MCF2: variants seen among roughly 807,000 people sequenced by gnomAD.
MCF2 encodes MCF.2 cell line derived transforming sequence.
In MCF2, 44 loss-of-function variants were observed where a neutral mutation model predicts 82.5. The ratio of observed to expected loss-of-function variants is 0.53; its 90% confidence interval spans 0.42 to 0.69. MCF2 has a LOEUF of 0.69. MCF2 is among the 30% of genes least tolerant of loss of function. The probability of loss-of-function intolerance (pLI) is 0.00; values close to 1 mark genes in which losing one functional copy is unlikely to be tolerated. For missense variants in MCF2, 623 were observed against 663.1 expected (o/e 0.94, Z 0.66); for synonymous variants, 217 against 224.9 (o/e 0.96, Z 0.32).
At chrX:139,649,332 G>A (rs1046997332) in intron 2 of MCF2, among the ~76,000 whole-genome samples, 1 of 111,723 alleles carries the variant, frequency 9.0e-6, no homozygotes, top group Non-Finnish European at 1.9e-5. Context: ...AAACTCAAAG[G>A]AGAAACTGTA....
At chrX:139,609,597 G>T (rs187278407) in intron 11 of MCF2, among the ~76,000 whole-genome samples, 5 of 111,091 alleles carry the variant, frequency 4.5e-5, no homozygotes, top group Middle Eastern at 9.3e-3. Context: ...TTGTAGCTAT[G>T]ATGAGTCTAC....
chrX:139,582,347 G>A (rs983797514), exon 25 of MCF2: 51 of 665,998 alleles, frequency 7.7e-5, no homozygotes, highest in African/African-American at 1.3e-4. Flanking sequence ...GTTTCTTTGC[G>A]TGTCCATTAA....
chrX:139,702,100 TG>T (rs1217257371), intron 1 of MCF2, among the ~76,000 whole-genome samples: 2 of 111,728 alleles, frequency 1.8e-5, no homozygotes, highest in Admixed American at 9.6e-5. Flanking sequence ...AGCAGAGACA[TG>T]GTCCCAGCCT....
At chrX:139,681,351 C>T (rs1288465078) in intron 1 of MCF2, among the ~76,000 whole-genome samples, 2 of 111,387 alleles carry the variant, frequency 1.8e-5, no homozygotes, top group Non-Finnish European at 3.8e-5. Flanking sequence ...GCAGCTCAAC[C>T]TCTACCACAC....
chrX:139,653,856 A>C (rs12389484), intron 1 of MCF2, among the ~76,000 whole-genome samples: 3,232 of 109,923 alleles, frequency 0.029, 115 homozygotes, highest in African/African-American at 0.1. Flanking sequence ...CATGAGATCC[A>C]TTTTTTTAGC....
chrX:139,595,582 T>TGG (rs1929995299), intron 19 of MCF2, among the ~76,000 whole-genome samples: 1 of 26,418 alleles, frequency 3.8e-5, no homozygotes, highest in Admixed American at 6.6e-4. Context: ...TGTTGTGGGG[T>TGG]GGGGGGAGGG....
At chrX:139,696,147 C>A (rs148311516) in intron 1 of MCF2, among the ~76,000 whole-genome samples, 6 of 111,184 alleles carry the variant, frequency 5.4e-5, no homozygotes, top group South Asian at 3.8e-4. Context: ...GATAAACCAG[C>A]CTTATACCAA....
intron 1 of MCF2, among the ~76,000 whole-genome samples, chrX:139,636,436 TTCTC>T (rs773469624): frequency 1.9e-3 from 216 of 112,163 alleles, no homozygotes; most frequent in African/African-American, 6.4e-3. Context: ...GGTTTCATCT[TTCTC>T]TCTCTGACTT....
intron 1 of MCF2, chrX:139,642,391 G>A (rs1933619995): frequency 8.5e-7 from 1 of 1,176,350 alleles, no homozygotes; most frequent in Non-Finnish European, 1.2e-6. Flanking sequence ...AGCAGTTTGT[G>A]CTATAGCACC....
At chrX:139,589,582 G>A (rs941698675) in intron 20 of MCF2, among the ~76,000 whole-genome samples, 3 of 111,581 alleles carry the variant, frequency 2.7e-5, no homozygotes, top group African/African-American at 9.8e-5. Context: ...CTGCCAAGCT[G>A]TCAGCTCTAG....
intron 1 of MCF2, among the ~76,000 whole-genome samples, chrX:139,707,526 G>A (rs764788444): frequency 2.7e-5 from 3 of 111,448 alleles, no homozygotes; most frequent in African/African-American, 6.5e-5. Context: ...GAAAATTTGC[G>A]TGCTTAAAAA....
chrX:139,626,206 T>C (rs1241153718), exon 6 of MCF2: 1 of 1,179,887 alleles, frequency 8.5e-7, no homozygotes, highest in Admixed American at 2.3e-5. Flanking sequence ...TTGAAAATCC[T>C]GCTCAAACTT....
chrX:139,674,282 CT>C (rs1934798060), intron 1 of MCF2, among the ~76,000 whole-genome samples: 1 of 111,752 alleles, frequency 8.9e-6, no homozygotes, highest in Non-Finnish European at 1.9e-5. Context: ...TCCAATTTGC[CT>C]GTCTGTGTCT....
intron 1 of MCF2, among the ~76,000 whole-genome samples, chrX:139,658,047 T>C (rs781555761): frequency 5.0e-4 from 56 of 111,038 alleles, no homozygotes; most frequent in African/African-American, 1.9e-3. Flanking sequence ...AATGGTATAT[T>C]CTCAGCAACA....
chrX:139,681,803 G>T (rs1423625763), intron 1 of MCF2, among the ~76,000 whole-genome samples: 1 of 111,939 alleles, frequency 8.9e-6, no homozygotes, highest in Admixed American at 9.5e-5. Flanking sequence ...TGTTTGAATT[G>T]AATTGATATA....
At chrX:139,685,350 G>A (rs866484425) in intron 1 of MCF2, among the ~76,000 whole-genome samples, 17 of 110,617 alleles carry the variant, frequency 1.5e-4, no homozygotes, top group African/African-American at 4.9e-4. Flanking sequence ...ACAGCCCGGC[G>A]CCACACCCTG....
exon 25 of MCF2, chrX:139,582,378 C>A (rs991509762): frequency 1.0e-4 from 97 of 943,370 alleles, no homozygotes; most frequent in Non-Finnish European, 1.4e-4. Flanking sequence ...ACATCTGCAT[C>A]ATTTGAGCTC....
chrX:139,697,481 A>G (rs1935405810), intron 1 of MCF2, among the ~76,000 whole-genome samples: 1 of 112,278 alleles, frequency 8.9e-6, no homozygotes, highest in African/African-American at 3.2e-5. Context: ...GCAACCAAAA[A>G]AATCCAAACT....
intron 1 of MCF2, among the ~76,000 whole-genome samples, chrX:139,688,663 G>T (rs5954215): frequency 0.22 from 24,178 of 110,753 alleles, 2,001 homozygotes; most frequent in African/African-American, 0.29. Context: ...AATACAAGAC[G>T]TTTCTTTTTT....
Sources: allele counts gnomAD v4.1 joint callset (sites outside exome capture counted in the v4.1 genomes callset), GRCh38; gene constraint gnomAD v4.1.1; transcripts MANE v1.5; gene names NCBI Gene and HGNC (gene_info 2026-07-23, HGNC 2026-07-21).